The following DDHD1 variants were observed in gnomAD, a reference collection of about 807,000 sequenced individuals.
DDHD1 encodes the protein phospholipase DDHD1.
A neutral mutation model predicts 96.4 loss-of-function variants in DDHD1; 49 were observed. That is an observed-to-expected ratio of 0.51 (90% CI 0.40 to 0.64). DDHD1 has a LOEUF of 0.64. Ranked by LOEUF, DDHD1 falls within the 30% of genes least tolerant of loss-of-function variation. The probability of loss-of-function intolerance (pLI) is 0.00; values close to 1 mark genes in which losing one functional copy is unlikely to be tolerated. For missense variants in DDHD1, 1,106 were observed against 1,161.2 expected (o/e 0.95, Z 0.69); for synonymous variants, 442 against 446.5 (o/e 0.99, Z 0.13).
chr14:53,066,309 G>A (rs1245513347), intron 6 of DDHD1, among the ~76,000 whole-genome samples: 3 of 152,022 alleles, frequency 2.0e-5, no homozygotes, highest in South Asian at 2.1e-4. Context: ...GCACCACCAC[G>A]CCTGGCTAAT....
chr14:53,096,212 T>C (rs1886873711), intron 2 of DDHD1: 8 of 984,602 alleles, frequency 8.1e-6, no homozygotes, highest in East Asian at 1.1e-4. Flanking sequence ...AGGGAGGTGG[T>C]AGACAACTAA....
At chr14:53,054,380 C>T in intron 11 of DDHD1, 58 bp downstream of exon 11, 2 of 1,520,882 alleles carry the variant, frequency 1.3e-6, no homozygotes, top group Non-Finnish European at 1.8e-6. Flanking sequence ...ACCTCCCTGC[C>T]CTCCCCAAGT....
chr14:53,152,394 G>C lies in DDHD1; in HGVS notation c.705C>G (p.Cys235Trp). The change falls in exon 1 of 13, where the codon TGC (cysteine) becomes TGG (tryptophan). Residue 235 changes from cysteine to tryptophan, a missense_variant. Physicochemically the swap from Cys to Trp is radical, Grantham distance 215 (BLOSUM62 -2). Transcript: ENST00000673822. ...SGEDDDEDRA[C>W]GFCQSTTGHE... ...GCCCCGTCGTACTCTGGCAGAAGCCGCAGGCGCGGTCCTCATCGTCATCTT... is the reference window on the plus strand; with the variant it reads ...GCCCCGTCGTACTCTGGCAGAAGCCCCAGGCGCGGTCCTCATCGTCATCTT... 6.2e-7 allele frequency: 1 copy of C among 1,613,928 alleles called. No individual in the cohort carries two copies. Among genetic ancestry groups the C allele is most frequent in the Non-Finnish European group, 8.5e-7 (1 of 1,179,974 alleles).
In DDHD1 at chr14:53,042,064, C is replaced by T. The variant is rs1881697634; in HGVS notation, c.*4704G>A. On this transcript the variant is annotated 3_prime_UTR_variant, in exon 13 of 13. Coordinates refer to ENST00000673822, the MANE Select transcript of DDHD1 (RefSeq NM_001160148.2). ...TGATTGTATAGGGTGGAATCGGTCA[C>T]TTACAAAATGAAGGAATCACATGAG... The T allele has an allele frequency of 3.3e-5, 5 of 152,168 alleles. No homozygotes were observed. In the South Asian group the frequency reaches 1.0e-3, roughly 32 times the overall value. 9.4% of individuals were successfully genotyped at this position (152,168 alleles called of 1,614,324 possible).
intron 1 of DDHD1, among the ~76,000 whole-genome samples, chr14:53,151,734 C>T (rs1891389466): frequency 6.6e-6 from 1 of 152,222 alleles, no homozygotes; most frequent in African/African-American, 2.4e-5. Context: ...TCACGCAGTG[C>T]TTTCCACCTC....
At chr14:53,129,337 T>C (rs1889692189) in intron 1 of DDHD1, among the ~76,000 whole-genome samples, 1 of 152,220 alleles carries the variant, frequency 6.6e-6, no homozygotes, top group Non-Finnish European at 1.5e-5. Flanking sequence ...CTTTTCACTC[T>C]CTTCTCCAAC....
intron 1 of DDHD1, among the ~76,000 whole-genome samples, chr14:53,124,481 T>C (rs10141235): frequency 0.88 from 133,106 of 152,116 alleles, 58,310 homozygotes; most frequent in East Asian, 0.98. Flanking sequence ...AGCAATTATA[T>C]AGAATTTTAT....
At position 53,111,905 on chromosome 14, in the gene DDHD1, T is replaced by C. The variant is rs539375957; in HGVS notation, c.839-8049A>G. The stretch of plus-strand genomic sequence containing the variant: ...TGAAAGCACAGAACACTTCCTAAAG[T>C]ATTTAACACTTCCCTTAGTAAACAG... On this transcript the variant is annotated intron_variant, in intron 1 of 12. Coordinates refer to ENST00000673822, the MANE Select transcript of DDHD1 (RefSeq NM_001160148.2). 4.6e-5 allele frequency among the ~76,000 whole-genome samples: 7 copies of C among 152,324 alleles called. No homozygotes were observed. In the East Asian group the frequency reaches 1.3e-3, roughly 29 times the overall value.
chr14:53,089,919 C>A (rs892822897), intron 4 of DDHD1, among the ~76,000 whole-genome samples: 2 of 152,138 alleles, frequency 1.3e-5, no homozygotes, highest in African/African-American at 4.8e-5. Flanking sequence ...GAGAAACTAC[C>A]ATCAGAGTGA....
chr14:53,146,722 T>C (rs1045178756), intron 1 of DDHD1, among the ~76,000 whole-genome samples: 2 of 152,196 alleles, frequency 1.3e-5, no homozygotes, highest in African/African-American at 2.4e-5. Context: ...GTTTTCTTCC[T>C]AGTAATCTAC....
chr14:53,110,465 G>C (rs752365956), intron 1 of DDHD1, among the ~76,000 whole-genome samples: 5 of 152,182 alleles, frequency 3.3e-5, no homozygotes, highest in African/African-American at 4.8e-5. Context: ...TGTTCCTTCT[G>C]TCTGGGATGC....
At position 53,152,539 on chromosome 14, in the gene DDHD1, G is replaced by T. The variant is rs553813211; in HGVS notation, c.560C>A (p.Ser187Ter). The change falls in exon 1 of 13, where the codon TCG (serine) becomes TAG (stop). Residue 187 changes from serine (S) to a stop codon, truncating the protein, a stop_gained. Coordinates refer to ENST00000673822, the MANE Select transcript of DDHD1 (RefSeq NM_001160148.2). LOFTEE classifies it high-confidence loss of function. ...CCGGAAGGCGAGCTCGATGCGGAGC[G>T]AGTCGTAGCCGATGAAGGGCTTCCA... ...KTWKPFIGYD[S>*]LRIELAFRTL... The T allele has an allele frequency of 6.2e-7, 1 of 1,613,536 alleles. No individual in the cohort carries two copies. The highest frequency in any genetic ancestry group is 1.1e-5 in the South Asian group (1 of 91,076).
intron 2 of DDHD1, chr14:53,096,120 G>C: frequency 1.7e-5 from 17 of 982,426 alleles, no homozygotes; most frequent in Non-Finnish European, 2.1e-5. Context: ...ACTGTACCTT[G>C]GGAATGCTTT....
intron 1 of DDHD1, among the ~76,000 whole-genome samples, chr14:53,129,187 G>C (rs968007020): frequency 5.3e-5 from 8 of 152,198 alleles, no homozygotes; most frequent in Non-Finnish European, 1.0e-4. Context: ...TGGTGCCGAA[G>C]ACCCGGGACA....
chr14:53,085,876 C>G (rs61985105), intron 4 of DDHD1, among the ~76,000 whole-genome samples: 9,585 of 152,144 alleles, frequency 0.063, 405 homozygotes, highest in Non-Finnish European at 0.093. Context: ...ATGTTCAAAC[C>G]CATTGCAAGG....
rs546808674 is a variant in DDHD1, at chr14:53,138,996, T to A, written c.838+13265A>T. ...CTAGATCCTTACTCCCTATCTCACC[T>A]AAGGAATGAAAGCCTTAAGCTGCTG... On this transcript the variant is annotated intron_variant, in intron 1 of 12. Coordinates refer to ENST00000673822, the MANE Select transcript of DDHD1 (RefSeq NM_001160148.2). 1.4e-4 allele frequency among the ~76,000 whole-genome samples: 21 copies of A among 150,514 alleles called. No homozygotes were observed. In the South Asian group the frequency reaches 4.4e-3, roughly 32 times the overall value.
chr14:53,055,708 G>A lies in DDHD1; in HGVS notation c.2197C>T (p.Arg733Ter), dbSNP rs753766189. The change falls in exon 10 of 13, where the codon CGA becomes TGA. Residue 733 changes from arginine (R) to a stop codon, truncating the protein, a stop_gained. Coordinates refer to ENST00000673822, the MANE Select transcript of DDHD1 (RefSeq NM_001160148.2). LOFTEE classifies it high-confidence loss of function. ...SPVTSPVLSRRHYGESITNIG... is the reference protein window; with the variant it reads ...SPVTSPVLSR ...TTTGTTATAGATTCTCCATAGTGTC[G>A]GCGGGACAAAACTGGTGAGGTCACA... 3.7e-6 allele frequency: 6 copies of A among 1,613,826 alleles called. No homozygotes were observed. Among genetic ancestry groups the A allele is most frequent in the East Asian group, 2.2e-5 (1 of 44,862 alleles).
rs578232112 is a variant in DDHD1, at chr14:53,136,607, G to A, written c.838+15654C>T. 1.7e-3 allele frequency among the ~76,000 whole-genome samples: 255 copies of A among 152,272 alleles called. 2 individuals are homozygous for A. The highest frequency in any genetic ancestry group is 2.2e-3 in the Non-Finnish European group (153 of 68,022). ...GAAAAGAACCACTGGAAAGGAGCAG[G>A]TGGAACAATCTCCAGAGCTCATATA... On this transcript the variant is annotated intron_variant, in intron 1 of 12. Coordinates refer to ENST00000673822, the MANE Select transcript of DDHD1 (RefSeq NM_001160148.2).
At chr14:53,141,318 C>T (rs905487293) in intron 1 of DDHD1, among the ~76,000 whole-genome samples, 1 of 152,168 alleles carries the variant, frequency 6.6e-6, no homozygotes, top group Non-Finnish European at 1.5e-5. Flanking sequence ...TGGTAATTCT[C>T]AGAGTGTAAG....
Sources: allele counts gnomAD v4.1 joint callset (sites outside exome capture counted in the v4.1 genomes callset), GRCh38; gene constraint gnomAD v4.1.1; transcripts MANE v1.5; gene names NCBI Gene and HGNC (gene_info 2026-07-23, HGNC 2026-07-21).